The following TBCD variants were observed in gnomAD, a reference collection of about 807,000 sequenced individuals.
TBCD encodes tubulin folding cofactor D, also known as tubulin-specific chaperone D.
A neutral mutation model predicts 169.3 loss-of-function variants in TBCD; 105 were observed. The ratio of observed to expected loss-of-function variants is 0.62; its 90% CI spans 0.53 to 0.73. The LOEUF is 0.73. Ranked by LOEUF, TBCD falls within the 30% of genes least tolerant of loss-of-function variation. The pLI, the probability that TBCD is intolerant of heterozygous loss-of-function variation, is 0.00. For synonymous variants in TBCD, 700 were observed against 643.9 expected, an observed-to-expected ratio of 1.09 and a Z score of -1.32; for missense variants, 1,444 against 1,600.1, an observed-to-expected ratio of 0.90 and a Z score of 1.66.
chr17:82,858,945 T>TGTGGGGCTGGGGGTCTTGGGCC (rs1221568783), intron 13 of TBCD, among the ~76,000 whole-genome samples: 10 of 152,238 alleles, frequency 6.6e-5, no homozygotes, highest in African/African-American at 2.4e-4. Flanking sequence ...TCAGCGCCTC[T>TGTGGGGCTGGGGGTCTTGGGCC]GTGGGGCTGG....
chr17:82,939,215 T>G (rs2062912224), intron 36 of TBCD, 152 bp from the exon 37 acceptor site: 1 of 678,654 alleles, frequency 1.5e-6, no homozygotes, highest in Non-Finnish European at 2.6e-6. Flanking sequence ...TCCTCTTGGT[T>G]GCAGCCCTGC....
rs570039040 is a variant in TBCD, at chr17:82,782,968, G to A, written c.771+1247G>A. ...CCGCGGTGCCCTCCTGTCCATGGTG[G>A]CCTCCTGTCCGCTGTGCCCTCCTGT... is the stretch of plus-strand genomic sequence containing the variant. On this transcript the variant is annotated intron_variant, in intron 7 of 38. Transcript: ENST00000355528. This position sits in a 1 kb window ranked among gnomAD's most constrained non-coding sequence, Gnocchi z 5.1. Among the ~76,000 whole-genome samples, 1 of 149,212 alleles carries A rather than the reference G, an allele frequency of 6.7e-6. No individual in the cohort carries two copies. Among genetic ancestry groups the A allele is most frequent in the Admixed American group, 6.6e-5 (1 of 15,040 alleles).
At chr17:82,794,863 C>T (rs1168224725) in intron 7 of TBCD, among the ~76,000 whole-genome samples, 6 of 152,254 alleles carry the variant, frequency 3.9e-5, no homozygotes, top group Admixed American at 6.5e-5. Context: ...CAGCTGGAAA[C>T]TGTCCCCAGG....
At chr17:82,902,375 G>T (rs7212980) in intron 18 of TBCD, among the ~76,000 whole-genome samples, 39,248 of 152,194 alleles carry the variant, frequency 0.26, 5,071 homozygotes, top group Middle Eastern at 0.31. Flanking sequence ...CCGTCCTTAC[G>T]CGAAGAGGCC....
intron 6 of TBCD, among the ~76,000 whole-genome samples, chr17:82,773,893 AT>A (rs1005928128): frequency 6.7e-6 from 1 of 150,026 alleles, no homozygotes; most frequent in Non-Finnish European, 1.5e-5. Context: ...TGCTCAGCTA[AT>A]TTTTTTTTGT....
At position 82,900,700 on chromosome 17, in the gene TBCD, C is replaced by G. The variant is rs145180850; in HGVS notation, c.1699C>G (p.Leu567Val). Residue 567 changes from leucine (L) to valine (V), a missense_variant, in exon 18 of 39, where the codon CTG becomes GTG. Coordinates refer to ENST00000355528, the MANE Select transcript of TBCD (RefSeq NM_005993.5). ...PEYTQPMIDH[L>V]VTMKISHWDG... is the part of the protein sequence containing the mutation. ...GTACACGCAGCCAATGATAGACCACCTGGTTACCATGAAGATCAGCCACTG... is the reference window on the plus strand; with the variant it reads ...GTACACGCAGCCAATGATAGACCACGTGGTTACCATGAAGATCAGCCACTG... 788 of 1,613,902 alleles carry G rather than the reference C, an allele frequency of 4.9e-4. No individual in the cohort carries two copies. The highest frequency in any genetic ancestry group is 6.4e-4 in the Non-Finnish European group (754 of 1,179,898).
At chr17:82,870,185 G>A (rs766261998) in intron 13 of TBCD, 39 bp from the exon 14 acceptor site, 7 of 1,610,870 alleles carry the variant, frequency 4.3e-6, no homozygotes, top group Non-Finnish European at 2.5e-6. Flanking sequence ...TTGCCCGTGT[G>A]GTCTGCTCCT....
Position 82,768,622 on chromosome 17 carries a change from T to G in TBCD, c.582+56T>G, listed in dbSNP as rs1302267498. 1.2e-5 allele frequency: 19 copies of G among 1,579,740 alleles called. No homozygotes were observed. In the Admixed American group the frequency reaches 2.6e-4, roughly 22 times the overall value. On this transcript the variant is annotated intron_variant, in intron 5 of 38. Coordinates refer to ENST00000355528, the MANE Select transcript of TBCD (RefSeq NM_005993.5). ...TTAGTACTCACTTTCATGTTCATGC[T>G]GTCTTGATGTTAGTGGTTTACTCGG...
intron 12 of TBCD, among the ~76,000 whole-genome samples, chr17:82,813,177 C>T (rs1009808412): frequency 4.6e-5 from 7 of 152,152 alleles, no homozygotes; most frequent in Admixed American, 1.3e-4. Context: ...ACTTTAACAC[C>T]AAACGCATCT....
Position 82,782,312 on chromosome 17 carries a change from C to T in TBCD, c.771+591C>T, listed in dbSNP as rs554149004. Among the ~76,000 whole-genome samples, 648 of 152,272 alleles carry T rather than the reference C, an allele frequency of 4.3e-3. 6 individuals carry two copies. The highest frequency in any genetic ancestry group is 0.015 in the African/African-American group (621 of 41,550). ...GAGGGCAAAGCCTCTTTTGGGTCAG[C>T]GTCCTGGAGGCTGCAGCTCCCTGGT... On this transcript the variant is annotated intron_variant, in intron 7 of 38. Transcript: ENST00000355528. The surrounding 1 kb of genome is among the most constrained non-coding windows in gnomAD (Gnocchi z 5.1).
At chr17:82,779,004 A>G (rs900239150) in intron 6 of TBCD, among the ~76,000 whole-genome samples, 3 of 41,054 alleles carry the variant, frequency 7.3e-5, no homozygotes, top group African/African-American at 2.1e-4. Context: ...GATGGGGTTT[A>G]TTTATTTATT....
chr17:82,796,059 T>C (rs1817565457), intron 7 of TBCD: 1 of 152,264 alleles, frequency 6.6e-6, no homozygotes, highest in Non-Finnish European at 1.5e-5. Flanking sequence ...GCCAGCCGGC[T>C]GCAGTGACAG....
At chr17:82,891,929 G>A (rs75794119) in intron 16 of TBCD, among the ~76,000 whole-genome samples, 4,291 of 152,266 alleles carry the variant, frequency 0.028, 89 homozygotes, top group Middle Eastern at 0.068. Flanking sequence ...TTCAGGGCCT[G>A]TCCGACATTC....
intron 13 of TBCD, among the ~76,000 whole-genome samples, chr17:82,857,027 G>C (rs761122715): frequency 1.3e-5 from 2 of 152,218 alleles, no homozygotes; most frequent in East Asian, 3.8e-4. Flanking sequence ...GTGTTACTGA[G>C]GCGTCCCCAA....
chr17:82,816,822 GCCA>G (rs1366196999), intron 13 of TBCD, among the ~76,000 whole-genome samples: 1 of 140,650 alleles, frequency 7.1e-6, no homozygotes, highest in Non-Finnish European at 1.5e-5. Flanking sequence ...ACAGGCGTGA[GCCA>G]CCACACTTGC....
chr17:82,938,963 AAG>A (rs1205063217), intron 36 of TBCD: 7 of 288,896 alleles, frequency 2.4e-5, no homozygotes, highest in East Asian at 2.3e-4. Context: ...CTCTGATGAA[AAG>A]AGAGCAGGCG....
intron 23 of TBCD, among the ~76,000 whole-genome samples, chr17:82,917,018 T>TC (rs768508262): frequency 3.7e-5 from 2 of 54,038 alleles, no homozygotes; most frequent in African/African-American, 1.3e-4. Context: ...TTTTTTCTTT[T>TC]CTTTTCTTTT....
intron 17 of TBCD, among the ~76,000 whole-genome samples, chr17:82,899,927 A>G (rs953974248): frequency 6.6e-6 from 1 of 152,142 alleles, no homozygotes; most frequent in African/African-American, 2.4e-5. Flanking sequence ...TGTGATGTTT[A>G]TGTACAAATT....
At chr17:82,846,362 C>G (rs1378516952) in intron 13 of TBCD, among the ~76,000 whole-genome samples, 2,084 of 140,754 alleles carry the variant, frequency 0.015, 66 homozygotes, top group African/African-American at 0.053. Context: ...CCCCTCCATG[C>G]GCTGTGTCCC....
Sources: allele counts gnomAD v4.1 joint callset (sites outside exome capture counted in the v4.1 genomes callset), GRCh38; gene constraint gnomAD v4.1.1; non-coding constraint Gnocchi (gnomAD v3.1); transcripts MANE v1.5; gene names NCBI Gene and HGNC (gene_info 2026-07-23, HGNC 2026-07-21).